The following CARS2 variants were observed in gnomAD, a reference collection of about 807,000 sequenced individuals.
CARS2 encodes the protein cysteinyl-tRNA synthetase 2, mitochondrial.
A neutral mutation model predicts 68.8 loss-of-function variants in CARS2; 52 were observed. The observed-to-expected ratio is 0.76, with a 90% CI of 0.61 to 0.95. The LOEUF is 0.95. Ranked by LOEUF, CARS2 falls within the 40% of genes least tolerant of loss-of-function variation. The pLI is 0.00. For synonymous variants in CARS2, 314 were observed against 303.6 expected (o/e 1.03, Z -0.36); for missense variants, 780 against 754.2 (o/e 1.03, Z -0.40).
intron 13 of CARS2, chr13:110,643,473 G>A (rs1049076678): frequency 6.5e-6 from 1 of 153,420 alleles, no homozygotes; most frequent in African/African-American, 2.4e-5. Flanking sequence ...TCTCTGTTGA[G>A]AGCCAGCGAG....
rs1186393420 is a variant in CARS2 at position 110,647,137 on chromosome 13, G to A, written c.1157C>T (p.Ala386Val). 2.5e-6 allele frequency: 4 copies of A among 1,607,058 alleles called. No individual in the cohort carries two copies. The highest frequency in any genetic ancestry group is 3.4e-6 in the Non-Finnish European group (4 of 1,177,260). ...DARAYMKGQL[A>V]CGSVREAMLW... The stretch of plus-strand genomic sequence containing the variant: ...CATCGCTTCCCTGACGGAGCCGCAG[G>A]CCAGCTGCCCCTTCATGTAGGCACG... The change falls in exon 11 of 15, where the codon GCC becomes GTC. Residue 386 changes from alanine to valine, a missense_variant. Coordinates refer to ENST00000257347, the MANE Select transcript of CARS2 (RefSeq NM_024537.4).
chr13:110,706,018 A>T lies in CARS2; in HGVS notation c.76T>A (p.Trp26Arg). The part of the protein sequence containing the change: ...QAALGLGRAG[W>R]HWPAGRAASG... ...GCCGCCCGGCCCGCAGGCCAGTGCC[A>T]CCCAGCCCGCCCAAGGCCCAGCGCG... is the stretch of plus-strand genomic sequence containing the variant. Residue 26 changes from tryptophan to arginine, a missense_variant, in exon 1 of 15, where the codon TGG (tryptophan) becomes AGG (arginine). Trp to Arg is a moderately radical substitution (Grantham distance 101, BLOSUM62 -3). Transcript: ENST00000257347. The T allele has an allele frequency of 7.0e-7, 1 of 1,438,658 alleles. No individual in the cohort carries two copies. The highest frequency in any genetic ancestry group is 9.1e-7 in the Non-Finnish European group (1 of 1,100,944). The allele number at this position is 1,438,658 out of a possible 1,614,324, so 89.1% of individuals were successfully genotyped here.
At position 110,653,345 on chromosome 13, in the gene CARS2, C is replaced by T. The variant is rs1195773247; in HGVS notation, c.988-2245G>A. 1.3e-5 allele frequency among the ~76,000 whole-genome samples: 2 copies of T among 152,170 alleles called. No homozygotes were observed. The highest frequency in any genetic ancestry group is 4.8e-5 in the African/African-American group (2 of 41,418). On this transcript the variant is annotated intron_variant, in intron 9 of 14. Coordinates refer to ENST00000257347, the MANE Select transcript of CARS2 (RefSeq NM_024537.4). This position sits in a 1 kb window ranked among gnomAD's most constrained non-coding sequence, Gnocchi z 5.6. ...AAATTGTGAAAAAAGGAATATTACT[C>T]CTGGGTCCTCTAATTCGCAACTCGC...
chr13:110,663,635 G>C, intron 8 of CARS2, 117 bp from the exon 9 acceptor site: 1 of 1,456,744 alleles, frequency 6.9e-7, no homozygotes, highest in African/African-American at 1.4e-5. Flanking sequence ...GTATAGACCA[G>C]TGTATGTTGG....
chr13:110,674,975 C>T (rs1195691179), intron 7 of CARS2, among the ~76,000 whole-genome samples: 5 of 152,120 alleles, frequency 3.3e-5, no homozygotes, highest in Non-Finnish European at 7.4e-5. Flanking sequence ...TCATCACTGG[C>T]CATCAGAGAA....
intron 9 of CARS2, among the ~76,000 whole-genome samples, chr13:110,662,609 G>T (rs1233242856): frequency 6.6e-6 from 1 of 152,240 alleles, no homozygotes; most frequent in Non-Finnish European, 1.5e-5. Flanking sequence ...AGGCGAAAAA[G>T]ATCCTACACA....
intron 6 of CARS2, among the ~76,000 whole-genome samples, chr13:110,679,787 GC>G (rs1479042139): frequency 6.6e-6 from 1 of 152,064 alleles, no homozygotes; most frequent in Non-Finnish European, 1.5e-5. Flanking sequence ...CAGATAGACA[GC>G]CACAAAACTA....
chr13:110,664,955 C>A, intron 8 of CARS2: 1 of 959,396 alleles, frequency 1.0e-6, no homozygotes, highest in Non-Finnish European at 1.2e-6. Flanking sequence ...CATAACACGC[C>A]CGCTTTCAGT....
At chr13:110,694,396 G>A (rs1198312300) in intron 3 of CARS2, among the ~76,000 whole-genome samples, 1 of 151,886 alleles carries the variant, frequency 6.6e-6, no homozygotes, top group Non-Finnish European at 1.5e-5. Context: ...CCAGCACTTG[G>A]GAGGCTGAGG....
chr13:110,693,958 G>A (rs754639226), intron 3 of CARS2, among the ~76,000 whole-genome samples: 35 of 151,916 alleles, frequency 2.3e-4, no homozygotes, highest in Admixed American at 1.1e-3. Context: ...CCAGTGTCCC[G>A]GCACACAAAA....
chr13:110,644,544 G>A, intron 12 of CARS2, 61 bp from the exon 13 acceptor site: 2 of 1,599,864 alleles, frequency 1.3e-6, no homozygotes, highest in Admixed American at 3.5e-5. Flanking sequence ...TGGGCAAACG[G>A]AATTCAATGT....
At position 110,670,934 on chromosome 13, in the gene CARS2, C is replaced by T. The variant is rs7320005; in HGVS notation, c.786-3461G>A. On this transcript the variant is annotated intron_variant, in intron 7 of 14. Transcript: ENST00000257347. This position sits in a 1 kb window ranked among gnomAD's most constrained non-coding sequence, Gnocchi z 4.1. ...TGATGCATGCACAAGCTTCAGTAGC[C>T]GATTTGATCAAGTGGAAGAAAGGGT... 0.53 allele frequency among the ~76,000 whole-genome samples: 80,011 copies of T among 151,894 alleles called. 22,464 individuals are homozygous for T. The highest frequency in any genetic ancestry group is 0.64 in the Non-Finnish European group (43,820 of 67,976).
rs1382309745 is a variant in CARS2 at position 110,705,516 on chromosome 13, C to T, written c.275+5G>A. On this transcript the variant is annotated splice_donor_5th_base_variant and intron_variant, in intron 2 of 14. Coordinates refer to ENST00000257347, the MANE Select transcript of CARS2 (RefSeq NM_024537.4). The surrounding 1 kb of genome is among the most constrained non-coding windows in gnomAD (Gnocchi z 4.0). ...AGTATGAAAATTCAAATCCAGGAAA[C>T]TCACCAAGCATGGCCAAGGTGCGCA... 1.3e-6 allele frequency: 2 copies of T among 1,581,874 alleles called. No individual in the cohort carries two copies. Among genetic ancestry groups the T allele is most frequent in the Non-Finnish European group, 1.7e-6 (2 of 1,164,466 alleles).
chr13:110,692,017 T>C (rs2063477766), intron 3 of CARS2, among the ~76,000 whole-genome samples: 1 of 63,674 alleles, frequency 1.6e-5, no homozygotes, highest in Non-Finnish European at 3.9e-5. Context: ...TATATATATA[T>C]ATATATACAC....
At chr13:110,693,112 A>AG (rs2063522458) in intron 3 of CARS2, among the ~76,000 whole-genome samples, 1 of 147,884 alleles carries the variant, frequency 6.8e-6, no homozygotes, top group African/African-American at 2.5e-5. Flanking sequence ...TCTGTCTCAA[A>AG]AAAAAAAAAA....
chr13:110,653,483 G>A lies in CARS2; in HGVS notation c.988-2383C>T, dbSNP rs186285896. ...CGCCCTATTTAGGTCTCCGGGTTTCGGTGTGGAAACACCACTCCACAAGCA... is the reference window on the plus strand; with the variant it reads ...CGCCCTATTTAGGTCTCCGGGTTTCAGTGTGGAAACACCACTCCACAAGCA... On this transcript the variant is annotated intron_variant, in intron 9 of 14. Transcript: ENST00000257347. The surrounding 1 kb of genome is among the most constrained non-coding windows in gnomAD (Gnocchi z 5.6). Among the ~76,000 whole-genome samples the A allele has an allele frequency of 3.4e-4, 51 of 152,184 alleles. No homozygotes were observed. Among genetic ancestry groups the A allele is most frequent in the African/African-American group, 1.2e-3 (49 of 41,518 alleles).
chr13:110,711,204 T>C (rs1473522346), upstream of CARS2, among the ~76,000 whole-genome samples: 1 of 150,448 alleles, frequency 6.6e-6, no homozygotes, highest in Non-Finnish European at 1.5e-5. Context: ...CATAATGTTA[T>C]CTTGTCGTAG....
At chr13:110,672,905 A>G (rs1368130536) in intron 7 of CARS2, among the ~76,000 whole-genome samples, 1 of 152,254 alleles carries the variant, frequency 6.6e-6, no homozygotes, top group East Asian at 1.9e-4. Context: ...TCCCACAGAA[A>G]TACAAACTAC....
In CARS2 at chr13:110,646,121, G is replaced by A. The variant is rs1566641995; in HGVS notation, c.1194-31C>T. On this transcript the variant is annotated intron_variant, in intron 11 of 14. Transcript: ENST00000257347. ...GGAAGAGGAGAGAACAGTCACAGCA[G>A]AGGGAGCTCCACTCTCCCCAGGCGG... The A allele has an allele frequency of 1.9e-6, 3 of 1,604,130 alleles. No homozygotes were observed. The South Asian group carries it at 3.3e-5, about 18-fold the overall frequency.
Sources: allele counts gnomAD v4.1 joint callset (sites outside exome capture counted in the v4.1 genomes callset), GRCh38; gene constraint gnomAD v4.1.1; non-coding constraint Gnocchi (gnomAD v3.1); transcripts MANE v1.5; gene names NCBI Gene and HGNC (gene_info 2026-07-23, HGNC 2026-07-21).